The following NLGN4X variants were observed in gnomAD, a reference collection of about 807,000 sequenced individuals.
The protein encoded by NLGN4X is neuroligin-4, X-linked.
Under a neutral mutation model 40.3 loss-of-function variants are expected in NLGN4X, and 3 were observed. That is an observed-to-expected ratio of 0.07 (90% CI 0.03 to 0.19). NLGN4X has a LOEUF of 0.19. Among genes scored for constraint, NLGN4X ranks in the 10% least tolerant of loss-of-function variants. The probability of loss-of-function intolerance (pLI) is 1.00; values close to 1 mark genes in which losing one functional copy is unlikely to be tolerated. For missense variants in NLGN4X, 382 were observed against 708.3 expected, an observed-to-expected ratio of 0.54 and a Z score of 5.23; for synonymous variants, 270 against 306.8, an observed-to-expected ratio of 0.88 and a Z score of 1.25.
intron 2 of NLGN4X, among the ~76,000 whole-genome samples, chrX:6,075,701 T>TC (rs939781343): frequency 9.0e-6 from 1 of 110,589 alleles, no homozygotes; most frequent in African/African-American, 3.3e-5. Flanking sequence ...AGCACCTCCT[T>TC]CCCCCCATTC....
chrX:6,050,972 G>C (rs894082278), intron 2 of NLGN4X, among the ~76,000 whole-genome samples: 3 of 111,746 alleles, frequency 2.7e-5, no homozygotes, highest in African/African-American at 9.8e-5. Context: ...TCCAGAAAAG[G>C]TGAAGGAGAG....
chrX:6,202,497 C>T (rs1448725902), intron 1 of NLGN4X, among the ~76,000 whole-genome samples: 1 of 109,143 alleles, frequency 9.2e-6, no homozygotes, highest in African/African-American at 3.3e-5. Flanking sequence ...GCTGCCATGC[C>T]TGACTAATTT....
At chrX:6,056,423 C>T (rs1250466863) in intron 2 of NLGN4X, among the ~76,000 whole-genome samples, 1 of 108,918 alleles carries the variant, frequency 9.2e-6, no homozygotes, top group Non-Finnish European at 1.9e-5. Flanking sequence ...TTGTAGGGAG[C>T]GGGGATCGCG....
intron 2 of NLGN4X, among the ~76,000 whole-genome samples, chrX:6,125,070 A>T (rs1364907616): frequency 8.9e-6 from 1 of 112,574 alleles, no homozygotes; most frequent in African/African-American, 3.2e-5. Flanking sequence ...GTATAAACAC[A>T]AAACAGTCAG....
At chrX:6,052,924 T>C (rs2037529180) in intron 2 of NLGN4X, among the ~76,000 whole-genome samples, 4 of 112,075 alleles carry the variant, frequency 3.6e-5, no homozygotes, top group Admixed American at 2.8e-4. Flanking sequence ...TGAAAACGTT[T>C]CTCTGGTGTG....
intron 5 of NLGN4X, among the ~76,000 whole-genome samples, chrX:5,901,872 A>C (rs2031891444): frequency 9.3e-6 from 1 of 107,587 alleles, no homozygotes. Flanking sequence ...GTGTGTATAT[A>C]TATACAAATA....
rs2031178108 is a variant in NLGN4X at position 5,891,630 on chromosome X, G to A, written c.*1187C>T. ...CTTTTTTTGGCAGGGCCCTGAAATG[G>A]GAAGCAACTCTTCCTAAACATATTC... On this transcript the variant is annotated 3_prime_UTR_variant, in exon 6 of 6. Transcript: ENST00000381095. 2 of 240,297 alleles carry A rather than the reference G, an allele frequency of 8.3e-6. No individual in the cohort carries two copies. The highest frequency in any genetic ancestry group is 6.0e-5 in the African/African-American group (2 of 33,607). The allele number at this position is 240,297 out of a possible 1,213,427, so 19.8% of individuals were successfully genotyped here. A position where few individuals can be genotyped will look rare whatever the true frequency, so the allele number is the denominator to read the frequency against.
At chrX:5,931,202 A>C (rs983983598) in intron 3 of NLGN4X, among the ~76,000 whole-genome samples, 1 of 112,078 alleles carries the variant, frequency 8.9e-6, no homozygotes, top group Admixed American at 9.5e-5. Flanking sequence ...GCAATAAAAA[A>C]TACTCAAAGA....
rs770436999 is a variant in NLGN4X at position 6,170,613 on chromosome X, CAACA to C, written c.-305-18846_-305-18843del. ...CAAACTACTACAAGTGTTATTTGCA[CAACA>C]AACAGCACTTTCTTGCCCAACATAC... On this transcript the variant is annotated intron_variant, in intron 1 of 5. Coordinates refer to ENST00000381095, the MANE Select transcript of NLGN4X (RefSeq NM_181332.3). 7.1e-5 allele frequency among the ~76,000 whole-genome samples: 8 copies of C among 112,232 alleles called. No individual in the cohort carries two copies. In the South Asian group the frequency reaches 1.5e-3, roughly 21 times the overall value.
chrX:6,090,471 T>C (rs926941057), intron 2 of NLGN4X, among the ~76,000 whole-genome samples: 3 of 111,114 alleles, frequency 2.7e-5, no homozygotes, highest in Non-Finnish European at 5.7e-5. Context: ...AAGTAGACCA[T>C]AGAATCAGAA....
intron 2 of NLGN4X, among the ~76,000 whole-genome samples, chrX:6,137,905 T>TA (rs2039855008): frequency 8.9e-6 from 1 of 111,781 alleles, no homozygotes; most frequent in African/African-American, 3.2e-5. Context: ...ATAAACCAAT[T>TA]AGTTTATTGG....
At chrX:6,006,132 C>G (rs1001995117) in intron 3 of NLGN4X, among the ~76,000 whole-genome samples, 3 of 111,061 alleles carry the variant, frequency 2.7e-5, no homozygotes, top group Non-Finnish European at 5.7e-5. Context: ...GGGGAAGTGC[C>G]TACACAGCCA....
chrX:5,975,900 A>G (rs2035164974), intron 3 of NLGN4X, among the ~76,000 whole-genome samples: 1 of 111,473 alleles, frequency 9.0e-6, no homozygotes, highest in African/African-American at 3.3e-5. Flanking sequence ...TGAGACACCA[A>G]AGGAAGAAAA....
At position 5,898,308 on chromosome X, in the gene NLGN4X, C is replaced by T. The variant is rs749475101; in HGVS notation, c.1602-4642G>A. On this transcript the variant is annotated intron_variant, in intron 5 of 5. Transcript: ENST00000381095. ...TCCCGCCCTCCTTTTCTTTTCCTCC[C>T]TCCCTCCCTCCTTCCCTCCCTTCGT... 1.1e-3 allele frequency among the ~76,000 whole-genome samples: 106 copies of T among 98,826 alleles called. 1 individual carries two copies. The highest frequency in any genetic ancestry group is 1.9e-3 in the Non-Finnish European group (92 of 48,901). 85.8% of individuals were successfully genotyped at this position (98,826 alleles called of 115,157 possible).
intron 3 of NLGN4X, among the ~76,000 whole-genome samples, chrX:6,002,179 T>C (rs1180963083): frequency 8.9e-6 from 1 of 111,839 alleles, no homozygotes. Flanking sequence ...CTAGAACTCC[T>C]TGTCCCTGAA....
chrX:6,013,835 T>A (rs1291419493), intron 3 of NLGN4X, among the ~76,000 whole-genome samples: 1 of 110,610 alleles, frequency 9.0e-6, no homozygotes, highest in Non-Finnish European at 1.9e-5. Context: ...CCAACCTATC[T>A]GAGAGAGCAA....
In NLGN4X at chrX:6,034,712, GTT is replaced by G. The variant is rs202210549; in HGVS notation, c.473-5282_473-5281del. Among the ~76,000 whole-genome samples the G allele has an allele frequency of 9.5e-3, 986 of 103,256 alleles. 5 individuals are homozygous for G. The highest frequency in any genetic ancestry group is 0.026 in the African/African-American group (723 of 28,245). 89.7% of individuals were successfully genotyped at this position (103,256 alleles called of 115,157 possible). A position where few individuals can be genotyped will look rare whatever the true frequency, so the allele number is the denominator to read the frequency against. On this transcript the variant is annotated intron_variant, in intron 2 of 5. Coordinates refer to ENST00000381095, the MANE Select transcript of NLGN4X (RefSeq NM_181332.3). ...GATGTGAAATGGTGTCTCATCATAG[GTT>G]TTTTTTTTTTTTTTTTCAAAGTCTT...
intron 3 of NLGN4X, among the ~76,000 whole-genome samples, chrX:6,011,729 C>T (rs1023874266): frequency 2.1e-4 from 23 of 111,250 alleles, no homozygotes; most frequent in African/African-American, 6.5e-4. Context: ...CTGGAGAACA[C>T]CTGACTTGTT....
At chrX:6,140,457 GACACACACACACACAC>G (rs34281533) in intron 2 of NLGN4X, among the ~76,000 whole-genome samples, 3 of 96,032 alleles carry the variant, frequency 3.1e-5, no homozygotes, top group East Asian at 3.6e-4. Flanking sequence ...TTCACACACA[GACACACACACACACAC>G]ACACACACAC....
Sources: allele counts gnomAD v4.1 joint callset (sites outside exome capture counted in the v4.1 genomes callset), GRCh38; gene constraint gnomAD v4.1.1; transcripts MANE v1.5; gene names NCBI Gene and HGNC (gene_info 2026-07-23, HGNC 2026-07-21).